TMEM177: variants seen among roughly 807,000 people sequenced by gnomAD.
The protein encoded by TMEM177 is transmembrane protein 177.
In TMEM177, 4 loss-of-function variants were observed where a neutral mutation model predicts 14.2. The ratio of observed to expected loss-of-function variants is 0.28; its 90% CI spans 0.14 to 0.64. The LOEUF is 0.64. Among genes scored for constraint, TMEM177 ranks in the 30% least tolerant of loss-of-function variants. The probability of loss-of-function intolerance (pLI) is 0.82; values close to 1 mark genes in which losing one functional copy is unlikely to be tolerated. For synonymous variants in TMEM177, 179 were observed against 174.5 expected, an observed-to-expected ratio of 1.03 and a Z score of -0.20; for missense variants, 344 against 405.2, an observed-to-expected ratio of 0.85 and a Z score of 1.30.
At chr2:119,686,928 T>C (rs1574272750), downstream of TMEM177, among the ~76,000 whole-genome samples, 1 of 152,230 alleles carries the variant, frequency 6.6e-6, no homozygotes, top group East Asian at 1.9e-4. Flanking sequence ...GTAAAATTGA[T>C]ACAAGCATAT....
chr2:119,702,543 G>C, the TMEM177 span, among the ~76,000 whole-genome samples: 1 of 152,132 alleles, frequency 6.6e-6, no homozygotes, highest in South Asian at 2.1e-4. Flanking sequence ...CCAGGGAAAG[G>C]GCAGGAGAGA....
chr2:119,707,429 A>G, the TMEM177 span, among the ~76,000 whole-genome samples: 2 of 152,224 alleles, frequency 1.3e-5, no homozygotes, highest in African/African-American at 4.8e-5. Context: ...CCAAATCTCC[A>G]TGGTTCCTCA....
chr2:119,697,440 T>A, the TMEM177 span, among the ~76,000 whole-genome samples: 4 of 152,070 alleles, frequency 2.6e-5, no homozygotes, highest in Non-Finnish European at 1.5e-5. Context: ...GTGTGCCTGC[T>A]CAGGAGGCTG....
At position 119,681,896 on chromosome 2, in the gene TMEM177, C is replaced by A; in HGVS notation, c.*107C>A. Reference sequence around the variant, plus strand: ...ACCTATAGCTCACGGCCAGAAAAATCACTGGCTTTGGAATTAAATAGCTTA... The same window carrying A: ...ACCTATAGCTCACGGCCAGAAAAATAACTGGCTTTGGAATTAAATAGCTTA... On this transcript the variant is annotated 3_prime_UTR_variant, in exon 2 of 2. Coordinates refer to ENST00000272521, the MANE Select transcript of TMEM177 (RefSeq NM_030577.3). The A allele has an allele frequency of 9.8e-7, 1 of 1,025,320 alleles. No homozygotes were observed. The highest frequency in any genetic ancestry group is 1.6e-5 in the South Asian group (1 of 63,592). 63.5% of individuals were successfully genotyped at this position (1,025,320 alleles called of 1,614,324 possible). A position where few individuals can be genotyped will look rare whatever the true frequency, so the allele number is the denominator to read the frequency against.
downstream of TMEM177, among the ~76,000 whole-genome samples, chr2:119,688,202 A>G (rs1448460597): frequency 6.6e-6 from 1 of 152,234 alleles, no homozygotes; most frequent in Non-Finnish European, 1.5e-5. Flanking sequence ...AAAATGAGGT[A>G]CAATCTGCAT....
At chr2:119,721,896 A>AC in the TMEM177 span, among the ~76,000 whole-genome samples, 1 of 152,170 alleles carries the variant, frequency 6.6e-6, no homozygotes, top group African/African-American at 2.4e-5. Flanking sequence ...TAAGACAATC[A>AC]CCAGGAGAAT....
Position 119,681,559 on chromosome 2 carries a change from GCCT to G in TMEM177, c.709_711del (p.Ser237del). Reference sequence around the variant, plus strand: ...GGAGTCCTGGCTGGACCGCCGCACGGCCTCCCTCTCTGCAGCCTATGCCTGTGG... The same window carrying G: ...GGAGTCCTGGCTGGACCGCCGCACGGCCCTCTCTGCAGCCTATGCCTGTGG... On this transcript the variant is annotated inframe_deletion, in exon 2 of 2. Transcript: ENST00000272521. The G allele has an allele frequency of 6.2e-7, 1 of 1,614,190 alleles. No homozygotes were observed. Among genetic ancestry groups the G allele is most frequent in the Non-Finnish European group, 8.5e-7 (1 of 1,180,016 alleles).
At chr2:119,711,661 A>G in the TMEM177 span, among the ~76,000 whole-genome samples, 5 of 152,170 alleles carry the variant, frequency 3.3e-5, no homozygotes, top group African/African-American at 1.2e-4. Context: ...TCATTGCCCA[A>G]GAAGACCAAG....
the TMEM177 span, among the ~76,000 whole-genome samples, chr2:119,696,695 C>G: frequency 6.6e-6 from 1 of 152,032 alleles, no homozygotes; most frequent in African/African-American, 2.4e-5. Flanking sequence ...GAGAAGGTGA[C>G]GATGGAGCAA....
At chr2:119,694,084 C>CACAT in the TMEM177 span, among the ~76,000 whole-genome samples, 1 of 20,908 alleles carries the variant, frequency 4.8e-5, no homozygotes, top group South Asian at 1.6e-3. Context: ...AACATACACA[C>CACAT]CACACACATG....
At chr2:119,691,006 C>G (rs1039294681), downstream of TMEM177, among the ~76,000 whole-genome samples, 4 of 152,230 alleles carry the variant, frequency 2.6e-5, no homozygotes, top group African/African-American at 9.6e-5. Flanking sequence ...TGGGAAGGCC[C>G]TTCTGGTTCC....
the TMEM177 span, among the ~76,000 whole-genome samples, chr2:119,714,829 C>T: frequency 6.6e-6 from 1 of 152,196 alleles, no homozygotes; most frequent in African/African-American, 2.4e-5. Flanking sequence ...ACAGCCCTGG[C>T]TGAGGCACAT....
At chr2:119,718,670 CCT>C in the TMEM177 span, among the ~76,000 whole-genome samples, 7 of 152,126 alleles carry the variant, frequency 4.6e-5, no homozygotes, top group Non-Finnish European at 7.3e-5. Flanking sequence ...TGCCTGAGCC[CCT>C]GTTTTATGAA....
chr2:119,709,210 C>T, the TMEM177 span, among the ~76,000 whole-genome samples: 1 of 152,200 alleles, frequency 6.6e-6, no homozygotes, highest in Non-Finnish European at 1.5e-5. Flanking sequence ...AGACAAGGGT[C>T]CTCACTAAGT....
At chr2:119,710,268 GA>G in the TMEM177 span, among the ~76,000 whole-genome samples, 2 of 152,214 alleles carry the variant, frequency 1.3e-5, no homozygotes, top group African/African-American at 4.8e-5. Context: ...ATTCCAGGGG[GA>G]AATTCCCCGG....
At chr2:119,703,756 G>C in the TMEM177 span, among the ~76,000 whole-genome samples, 1 of 152,166 alleles carries the variant, frequency 6.6e-6, no homozygotes, top group Non-Finnish European at 1.5e-5. Context: ...TGGGAGGAGA[G>C]GCTGGGATCT....
the TMEM177 span, among the ~76,000 whole-genome samples, chr2:119,694,480 G>A: frequency 2.0e-5 from 3 of 152,212 alleles, no homozygotes; most frequent in Non-Finnish European, 4.4e-5. Context: ...CTCTTAGTAG[G>A]GCCTTAGGGC....
At chr2:119,706,585 T>A in the TMEM177 span, among the ~76,000 whole-genome samples, 1 of 152,216 alleles carries the variant, frequency 6.6e-6, no homozygotes, top group Admixed American at 6.5e-5. Flanking sequence ...TCCTTTTTTT[T>A]TCTTTTGTTG....
chr2:119,720,072 A>T, the TMEM177 span, among the ~76,000 whole-genome samples: 2 of 152,164 alleles, frequency 1.3e-5, no homozygotes, highest in African/African-American at 4.8e-5. Context: ...CTAGGATTAT[A>T]GGTATGAACC....
Sources: gnomAD v4.1 joint callset for allele counts (sites outside exome capture counted in the v4.1 genomes callset) on GRCh38, gnomAD v4.1.1 for gene constraint, MANE v1.5 for transcripts, NCBI Gene and HGNC (gene_info 2026-07-23, HGNC 2026-07-21) for gene names.